GNG7: variants seen among roughly 807,000 people sequenced by gnomAD.
GNG7 encodes guanine nucleotide-binding protein G(I)/G(S)/G(O) subunit gamma-7.
Under a neutral mutation model 4.0 loss-of-function variants are expected in GNG7, and 1 was observed. The observed-to-expected ratio is 0.25, with a 90% CI of 0.09 to 1.18. The LOEUF (loss-of-function observed/expected upper bound fraction) is 1.18, where lower values mean the gene tolerates loss of function less well. Ranked by LOEUF, GNG7 falls within the 50% of genes most tolerant of loss-of-function variation. The pLI is 0.50. For missense variants in GNG7, 86 were observed against 91.9 expected (o/e 0.94, Z 0.26); for synonymous variants, 34 against 36.9 (o/e 0.92, Z 0.29).
chr19:2,682,120 G>C (rs1183044638), intron 1 of GNG7, among the ~76,000 whole-genome samples: 2 of 151,820 alleles, frequency 1.3e-5, no homozygotes, highest in African/African-American at 4.8e-5. Context: ...TGTTGGCCAG[G>C]CTGGTCTTGA....
chr19:2,559,869 C>T (rs764776914), intron 2 of GNG7, among the ~76,000 whole-genome samples: 27 of 152,110 alleles, frequency 1.8e-4, no homozygotes, highest in Non-Finnish European at 3.8e-4. Context: ...GGCAGCTGCT[C>T]TCTCAGTCCT....
chr19:2,599,043 G>A (rs1240243779), intron 2 of GNG7, among the ~76,000 whole-genome samples: 1 of 152,200 alleles, frequency 6.6e-6, no homozygotes, highest in Non-Finnish European at 1.5e-5. Flanking sequence ...CGGGCACGAG[G>A]CGAAGCGGGT....
intron 1 of GNG7, among the ~76,000 whole-genome samples, chr19:2,669,296 C>G (rs1983390103): frequency 6.6e-6 from 1 of 152,036 alleles, no homozygotes; most frequent in Non-Finnish European, 1.5e-5. Context: ...TCGAGACCAG[C>G]CTGACCAACA....
At chr19:2,604,903 T>C (rs1199481097) in intron 2 of GNG7, among the ~76,000 whole-genome samples, 1 of 152,204 alleles carries the variant, frequency 6.6e-6, no homozygotes, top group Non-Finnish European at 1.5e-5. Context: ...TGAACTAGAT[T>C]CTGTCGTTGG....
intron 2 of GNG7, among the ~76,000 whole-genome samples, chr19:2,637,002 A>C (rs920286180): frequency 4.7e-5 from 7 of 149,324 alleles, no homozygotes; most frequent in Non-Finnish European, 7.4e-5. Flanking sequence ...CTCTGTCCCC[A>C]CCTGCACCTC....
At chr19:2,568,016 C>T (rs17828287) in intron 2 of GNG7, among the ~76,000 whole-genome samples, 62,292 of 151,856 alleles carry the variant, frequency 0.41, 13,000 homozygotes, top group Admixed American at 0.53. Flanking sequence ...AACAGAGACA[C>T]GGGCATGCAA....
chr19:2,556,830 G>C (rs1979559621), intron 2 of GNG7, among the ~76,000 whole-genome samples: 1 of 152,148 alleles, frequency 6.6e-6, no homozygotes, highest in African/African-American at 2.4e-5. Context: ...GGCTCTGCAG[G>C]GTGGTGAGCT....
chr19:2,588,388 C>G (rs549158912), intron 2 of GNG7, among the ~76,000 whole-genome samples: 83 of 152,314 alleles, frequency 5.4e-4, no homozygotes, highest in African/African-American at 1.9e-3. Flanking sequence ...CGACGCGGCT[C>G]TCTGCAAAGC....
At chr19:2,544,629 G>C (rs1167212439) in intron 3 of GNG7, among the ~76,000 whole-genome samples, 1 of 152,210 alleles carries the variant, frequency 6.6e-6, no homozygotes, top group East Asian at 1.9e-4. Flanking sequence ...GACCTCAGGT[G>C]ATCTGCCCAC....
chr19:2,537,032 C>T (rs575949268), intron 3 of GNG7, among the ~76,000 whole-genome samples: 97 of 151,690 alleles, frequency 6.4e-4, no homozygotes, highest in African/African-American at 2.3e-3. Context: ...CTGCAAGCTC[C>T]GCCTCCCGGG....
rs1010445448 is a variant in GNG7 at position 2,553,673 on chromosome 19, T to C, written c.-38+1476A>G. On this transcript the variant is annotated intron_variant, in intron 3 of 4. Transcript: ENST00000382159. ...ATTACATACATGCACACGTTACATG[T>C]AATATGTTATATTACACACATGTGC... Among the ~76,000 whole-genome samples the C allele has an allele frequency of 3.5e-5, 5 of 143,992 alleles. 1 individual carries two copies. The highest frequency in any genetic ancestry group is 1.3e-4 in the African/African-American group (5 of 38,080). The allele number at this position is 143,992 out of a possible 152,430, so 94.5% of individuals were successfully genotyped here. A position where few individuals can be genotyped will look rare whatever the true frequency, so the allele number is the denominator to read the frequency against.
At chr19:2,642,815 C>T in intron 2 of GNG7, 1 of 456,786 alleles carries the variant, frequency 2.2e-6, no homozygotes, top group Non-Finnish European at 4.4e-6. Context: ...TTTGAAGAAG[C>T]CCAACACCAA....
chr19:2,565,918 G>A (rs1979893753), intron 2 of GNG7, among the ~76,000 whole-genome samples: 2 of 152,314 alleles, frequency 1.3e-5, no homozygotes, highest in South Asian at 4.1e-4. Context: ...AGCACTTCGG[G>A]AGGCCAGGGC....
At chr19:2,520,872 A>G in intron 3 of GNG7, 147 bp from the exon 4 acceptor site, 1 of 570,826 alleles carries the variant, frequency 1.8e-6, no homozygotes. Flanking sequence ...GTGTACAAAG[A>G]GCTGGCACTC....
chr19:2,637,088 C>T (rs555468159), intron 2 of GNG7, among the ~76,000 whole-genome samples: 1 of 152,010 alleles, frequency 6.6e-6, no homozygotes, highest in South Asian at 2.1e-4. Flanking sequence ...CCCCGCATCT[C>T]CAGCCCCCTG....
intron 2 of GNG7, among the ~76,000 whole-genome samples, chr19:2,621,582 A>G (rs1292904708): frequency 1.3e-5 from 2 of 151,974 alleles, no homozygotes; most frequent in Non-Finnish European, 2.9e-5. Context: ...CTGTAATCCC[A>G]GCTACTCGGG....
chr19:2,670,991 C>A (rs555356108), intron 1 of GNG7, among the ~76,000 whole-genome samples: 1 of 152,140 alleles, frequency 6.6e-6, no homozygotes, highest in South Asian at 2.1e-4. Context: ...AGCTGGGGGT[C>A]CCCCTGATTT....
rs191316654 is a variant in GNG7 at position 2,523,118 on chromosome 19, C to T, written c.-37-2393G>A. The stretch of plus-strand genomic sequence containing the variant: ...CTGGCCTCAAGTGATCTGCCTGTCT[C>T]GACCTCCCAAAGTGCTGGGATTACA... On this transcript the variant is annotated intron_variant, in intron 3 of 4. Coordinates refer to ENST00000382159, the MANE Select transcript of GNG7 (RefSeq NM_052847.3). Among the ~76,000 whole-genome samples, 16 of 151,842 alleles carry T rather than the reference C, an allele frequency of 1.1e-4. No individual in the cohort carries two copies. In the East Asian group the frequency reaches 3.0e-3, roughly 29 times the overall value.
At chr19:2,654,800 T>C (rs1412708176) in intron 1 of GNG7, among the ~76,000 whole-genome samples, 1 of 151,824 alleles carries the variant, frequency 6.6e-6, no homozygotes, top group Non-Finnish European at 1.5e-5. Flanking sequence ...CTGTGGACAT[T>C]GGGGCTGGAC....
Sources: gnomAD v4.1 joint callset for allele counts (sites outside exome capture counted in the v4.1 genomes callset) on GRCh38, gnomAD v4.1.1 for gene constraint, MANE v1.5 for transcripts, NCBI Gene and HGNC (gene_info 2026-07-23, HGNC 2026-07-21) for gene names.